Variants in TRAK1 observed in about 807,000 individuals in gnomAD.
TRAK1 encodes trafficking kinesin protein 1.
Under a neutral mutation model 92.1 loss-of-function variants are expected in TRAK1, and 33 were observed. That is an observed-to-expected ratio of 0.36 (90% confidence interval 0.27 to 0.48). The LOEUF is 0.48. Among genes scored for constraint, TRAK1 ranks in the 20% least tolerant of loss-of-function variants. The pLI is 0.99. For missense variants in TRAK1, 1,123 were observed against 1,257.9 expected (o/e 0.89, Z 1.62); for synonymous variants, 521 against 517.3 (o/e 1.01, Z -0.10).
chr3:42,089,437 C>T (rs1704866361), upstream of TRAK1, among the ~76,000 whole-genome samples: 1 of 152,078 alleles, frequency 6.6e-6, no homozygotes, highest in Admixed American at 6.6e-5. Context: ...TCCAAACTTC[C>T]AGTGAGCTCC....
chr3:42,164,053 A>G (rs1409431756), intron 2 of TRAK1, among the ~76,000 whole-genome samples: 1 of 152,234 alleles, frequency 6.6e-6, no homozygotes, highest in Non-Finnish European at 1.5e-5. Context: ...GTTTGGTGTC[A>G]TGGCCAGTTT....
At chr3:42,133,849 C>T (rs1052394944) in intron 2 of TRAK1, among the ~76,000 whole-genome samples, 2 of 152,088 alleles carry the variant, frequency 1.3e-5, no homozygotes, top group Non-Finnish European at 2.9e-5. Context: ...ATTGAATTGG[C>T]CTTTTAATCC....
At chr3:42,100,471 C>T (rs1433241616) in intron 1 of TRAK1, among the ~76,000 whole-genome samples, 2 of 152,140 alleles carry the variant, frequency 1.3e-5, no homozygotes, top group African/African-American at 4.8e-5. Flanking sequence ...GTTCCATCTA[C>T]CTTTATTCTC....
intron 1 of TRAK1, among the ~76,000 whole-genome samples, chr3:42,118,849 T>C (rs989204197): frequency 6.6e-6 from 1 of 152,238 alleles, no homozygotes; most frequent in Non-Finnish European, 1.5e-5. Context: ...TGACATCTGC[T>C]GAGCAATTGA....
chr3:42,047,006 A>G (rs1702776368), intron 1 of TRAK1, among the ~76,000 whole-genome samples: 1 of 152,096 alleles, frequency 6.6e-6, no homozygotes, highest in Non-Finnish European at 1.5e-5. Context: ...ATACTCATAG[A>G]TTTATCTAAT....
intron 14 of TRAK1, chr3:42,218,509 C>CT (rs950663966): frequency 5.9e-4 from 508 of 854,918 alleles, no homozygotes; most frequent in East Asian, 8.6e-4. Context: ...CGGGCAGCAT[C>CT]TTTTTTTTTT....
At chr3:42,170,478 A>G (rs1434973716) in intron 2 of TRAK1, among the ~76,000 whole-genome samples, 1 of 152,206 alleles carries the variant, frequency 6.6e-6, no homozygotes, top group Non-Finnish European at 1.5e-5. Flanking sequence ...TGCTGCTGCT[A>G]TCAAAAGCGA....
At chr3:42,057,410 C>A (rs531584448) in intron 1 of TRAK1, among the ~76,000 whole-genome samples, 1 of 152,246 alleles carries the variant, frequency 6.6e-6, no homozygotes, top group African/African-American at 2.4e-5. Context: ...TCCATCTCTG[C>A]CACACTTTCT....
chr3:42,061,561 C>T (rs937052160), intron 1 of TRAK1, among the ~76,000 whole-genome samples: 1 of 152,052 alleles, frequency 6.6e-6, no homozygotes, highest in Non-Finnish European at 1.5e-5. Flanking sequence ...CATGTGAACC[C>T]AGTGCCACTT....
intron 15 of TRAK1, among the ~76,000 whole-genome samples, chr3:42,221,058 G>C (rs939787013): frequency 4.9e-5 from 7 of 142,350 alleles, no homozygotes; most frequent in Non-Finnish European, 7.5e-5. Flanking sequence ...GAAGTCAGTA[G>C]CAAGAGAAGG....
At chr3:42,021,898 A>C (rs188826791) in intron 1 of TRAK1, among the ~76,000 whole-genome samples, 2 of 152,276 alleles carry the variant, frequency 1.3e-5, no homozygotes, top group East Asian at 3.9e-4. Context: ...TAAGAGGATT[A>C]TGTGAATTTA....
chr3:42,076,073 A>C (rs1240779420), intron 1 of TRAK1, among the ~76,000 whole-genome samples: 1 of 151,634 alleles, frequency 6.6e-6, no homozygotes, highest in Non-Finnish European at 1.5e-5. Flanking sequence ...CAAACTCCTG[A>C]CCTCAGGTGA....
At chr3:42,014,358 G>C (rs900543630) in intron 1 of TRAK1, among the ~76,000 whole-genome samples, 3 of 152,128 alleles carry the variant, frequency 2.0e-5, no homozygotes, top group East Asian at 1.9e-4. Context: ...TCCGCGCTCC[G>C]GCACTCCGAG....
At chr3:42,208,236 C>G (rs576530492) in intron 13 of TRAK1, among the ~76,000 whole-genome samples, 16 of 152,018 alleles carry the variant, frequency 1.1e-4, no homozygotes, top group Non-Finnish European at 2.2e-4. Flanking sequence ...CTATTGTACC[C>G]GTGAACCCTT....
chr3:42,125,323 T>C (rs1710416404), intron 1 of TRAK1, 97 bp from the exon 2 acceptor site: 1 of 1,090,482 alleles, frequency 9.2e-7, no homozygotes, highest in Non-Finnish European at 1.3e-6. Context: ...TGTAGATAAA[T>C]AACCGAAGAT....
chr3:42,222,189 C>T (rs1232911715), intron 15 of TRAK1, among the ~76,000 whole-genome samples: 7 of 152,164 alleles, frequency 4.6e-5, no homozygotes, highest in Admixed American at 1.3e-4. Flanking sequence ...TTCCGTAACT[C>T]AGGCCCCACA....
Position 42,157,457 on chromosome 3 carries a change from C to CAAAAAAAAAAAAAAAAAAA in TRAK1, c.287-19343_287-19325dup, listed in dbSNP as rs60622565. Among the ~76,000 whole-genome samples the CAAAAAAAAAAAAAAAAAAA allele has an allele frequency of 1.9e-4, 6 of 31,108 alleles. 1 individual carries two copies. Among genetic ancestry groups the CAAAAAAAAAAAAAAAAAAA allele is most frequent in the Admixed American group, 7.5e-4 (1 of 1,330 alleles). 20.4% of individuals were successfully genotyped at this position (31,108 alleles called of 152,430 possible). A position where few individuals can be genotyped will look rare whatever the true frequency, so the allele number is the denominator to read the frequency against. On this transcript the variant is annotated intron_variant, in intron 2 of 15. Coordinates refer to ENST00000327628, the MANE Select transcript of TRAK1 (RefSeq NM_001042646.3). ...TGGGCAACAGAATGAGACCCTGTCTCAAAAAAAAAAAAAAAAAAAAAAAAA... is the reference window on the plus strand; with the variant it reads ...TGGGCAACAGAATGAGACCCTGTCTCAAAAAAAAAAAAAAAAAAAAAAAAAAAAAAAAAAAAAAAAAAAA...
rs181794603 is a variant in TRAK1, at chr3:42,212,742, T to C, written c.1963+2757T>C. 37 of 261,688 alleles carry C rather than the reference T, an allele frequency of 1.4e-4. No individual in the cohort carries two copies. In the East Asian group the frequency reaches 5.7e-3, roughly 40 times the overall value. The allele number at this position is 261,688 out of a possible 1,614,324, so 16.2% of individuals were successfully genotyped here. A position where few individuals can be genotyped will look rare whatever the true frequency, so the allele number is the denominator to read the frequency against. On this transcript the variant is annotated intron_variant, in intron 14 of 15. Transcript: ENST00000327628. ...TGTCAGTACTCTGTATTTTAGGCAT[T>C]TGTGTGGGGAAGAGCCTGCATGTGG... is the stretch of plus-strand genomic sequence containing the variant.
chr3:42,045,158 A>C (rs961008371), intron 1 of TRAK1, among the ~76,000 whole-genome samples: 1 of 152,172 alleles, frequency 6.6e-6, no homozygotes, highest in African/African-American at 2.4e-5. Flanking sequence ...AGCTGGACTC[A>C]TGCTTCTGTT....
Sources: gnomAD v4.1 joint callset for allele counts (sites outside exome capture counted in the v4.1 genomes callset) on GRCh38, gnomAD v4.1.1 for gene constraint, MANE v1.5 for transcripts, NCBI Gene and HGNC (gene_info 2026-07-23, HGNC 2026-07-21) for gene names.